The following SLC24A2 variants were observed in gnomAD, a reference collection of about 807,000 sequenced individuals.
SLC24A2 encodes the protein solute carrier family 24 member 2, also known as sodium/potassium/calcium exchanger 2.
A neutral mutation model predicts 62.0 loss-of-function variants in SLC24A2; 36 were observed. The ratio of observed to expected loss-of-function variants is 0.58; its 90% CI spans 0.44 to 0.77. SLC24A2 has a LOEUF of 0.77. Among genes scored for constraint, SLC24A2 ranks in the 30% least tolerant of loss-of-function variants. The pLI is 0.00. For synonymous variants in SLC24A2, 358 were observed against 294.0 expected (o/e 1.22, Z -2.23); for missense variants, 846 against 817.9 (o/e 1.03, Z -0.42).
the SLC24A2 span, among the ~76,000 whole-genome samples, chr9:20,114,541 A>G: frequency 1.3e-5 from 2 of 152,208 alleles, no homozygotes; most frequent in African/African-American, 4.8e-5. Flanking sequence ...GCAGTACACC[A>G]TCCCAAAAGT....
chr9:19,743,842 T>TA (rs1271311799), intron 2 of SLC24A2, among the ~76,000 whole-genome samples: 1 of 152,144 alleles, frequency 6.6e-6, no homozygotes, highest in East Asian at 1.9e-4. Flanking sequence ...GGATCAACAG[T>TA]ATAAATGGAC....
At chr9:19,746,039 T>TA (rs771930509) in intron 2 of SLC24A2, among the ~76,000 whole-genome samples, 20 of 151,722 alleles carry the variant, frequency 1.3e-4, no homozygotes, top group Non-Finnish European at 2.2e-4. Flanking sequence ...CAGAAGAAAG[T>TA]AAAAAATCAT....
chr9:19,964,404 A>T, the SLC24A2 span, among the ~76,000 whole-genome samples: 124,351 of 152,018 alleles, frequency 0.82, 51,292 homozygotes, highest in Non-Finnish European at 0.87. Flanking sequence ...AGTTGCAGTC[A>T]AGTGGTGGAT....
Position 19,767,363 on chromosome 9 carries a change from T to C in SLC24A2, c.930+18574A>G, listed in dbSNP as rs148110683. Among the ~76,000 whole-genome samples, 369 of 152,354 alleles carry C rather than the reference T, an allele frequency of 2.4e-3. 1 individual carries two copies. Among genetic ancestry groups the C allele is most frequent in the Middle Eastern group, 3.4e-3 (1 of 294 alleles). On this transcript the variant is annotated intron_variant, in intron 2 of 10. Coordinates refer to ENST00000341998, the MANE Select transcript of SLC24A2 (RefSeq NM_020344.4). ...TTAAAAACAAAAAACAAAAAACTTC[T>C]GCAGCTAGCTCAGTGTCTGCCCAAA...
chr9:20,183,971 G>A, the SLC24A2 span, among the ~76,000 whole-genome samples: 1 of 152,194 alleles, frequency 6.6e-6, no homozygotes, highest in African/African-American at 2.4e-5. Flanking sequence ...GAGTGATTGA[G>A]AGAAATACAA....
chr9:19,921,349 C>T, the SLC24A2 span, among the ~76,000 whole-genome samples: 1 of 151,552 alleles, frequency 6.6e-6, no homozygotes, highest in Non-Finnish European at 1.5e-5. Flanking sequence ...TGGTAAAACC[C>T]CGTCTCTACT....
chr9:19,660,760 T>C (rs1241917483), intron 2 of SLC24A2, among the ~76,000 whole-genome samples: 6 of 152,340 alleles, frequency 3.9e-5, no homozygotes, highest in Middle Eastern at 6.8e-3. Context: ...CTAGAACTTT[T>C]AGCACAACCA....
intron 8 of SLC24A2, among the ~76,000 whole-genome samples, chr9:19,546,001 G>A (rs4977552): frequency 0.76 from 115,017 of 152,176 alleles, 44,885 homozygotes; most frequent in East Asian, 1. Context: ...GTCCACTCCA[G>A]ACCCTGTTTG....
At chr9:19,568,996 T>C (rs1490435886) in intron 7 of SLC24A2, among the ~76,000 whole-genome samples, 1 of 152,224 alleles carries the variant, frequency 6.6e-6, no homozygotes, top group Non-Finnish European at 1.5e-5. Flanking sequence ...GGCATGTTGC[T>C]TTTTTCACTA....
chr9:19,792,401 G>T (rs1823328711), upstream of SLC24A2, among the ~76,000 whole-genome samples: 1 of 152,012 alleles, frequency 6.6e-6, no homozygotes, highest in Non-Finnish European at 1.5e-5. Context: ...GAAAGAGATG[G>T]TTGAGGGCCA....
chr9:20,295,593 G>T, the SLC24A2 span, among the ~76,000 whole-genome samples: 1 of 151,984 alleles, frequency 6.6e-6, no homozygotes, highest in African/African-American at 2.4e-5. Context: ...ATCAGCCAAA[G>T]GCCCTGAACA....
At chr9:19,975,192 C>T in the SLC24A2 span, among the ~76,000 whole-genome samples, 1 of 152,194 alleles carries the variant, frequency 6.6e-6, no homozygotes, top group East Asian at 1.9e-4. Flanking sequence ...GGCTCCAGGT[C>T]TAAGAGCCTA....
At chr9:19,926,769 T>A in the SLC24A2 span, 1 of 152,240 alleles carries the variant, frequency 6.6e-6, no homozygotes, top group Admixed American at 6.5e-5. Flanking sequence ...GGGAAAAAAA[T>A]TCAGAGGACC....
the SLC24A2 span, among the ~76,000 whole-genome samples, chr9:20,199,249 C>T: frequency 1.6e-3 from 243 of 152,156 alleles, no homozygotes; most frequent in Non-Finnish European, 2.4e-3. Flanking sequence ...GAAACTCAGG[C>T]GGGATAGAGT....
chr9:19,860,993 C>T, the SLC24A2 span, among the ~76,000 whole-genome samples: 1 of 152,164 alleles, frequency 6.6e-6, no homozygotes, highest in Non-Finnish European at 1.5e-5. Flanking sequence ...TGGACCCACC[C>T]AGGGCCTAGA....
the SLC24A2 span, among the ~76,000 whole-genome samples, chr9:20,074,555 CAGGAAGGAAGGAAGGA>C: frequency 0.01 from 900 of 87,344 alleles, 6 homozygotes; most frequent in Non-Finnish European, 0.014. Context: ...GAGAAGAAGG[CAGGAAGGAAGGAAGGA>C]AGGAAGGAAG....
intron 2 of SLC24A2, among the ~76,000 whole-genome samples, chr9:19,775,050 G>C (rs1269531361): frequency 6.6e-6 from 1 of 152,166 alleles, no homozygotes; most frequent in Admixed American, 6.5e-5. Flanking sequence ...CCAGTGTCTG[G>C]GATGAAAGGG....
intron 2 of SLC24A2, among the ~76,000 whole-genome samples, chr9:19,664,660 CTGGG>C (rs1819198172): frequency 6.6e-6 from 1 of 152,168 alleles, no homozygotes; most frequent in Non-Finnish European, 1.5e-5. Flanking sequence ...CATACTGGAT[CTGGG>C]TGGGCCTAAA....
chr9:19,983,605 C>G, the SLC24A2 span, among the ~76,000 whole-genome samples: 1 of 152,142 alleles, frequency 6.6e-6, no homozygotes, highest in Non-Finnish European at 1.5e-5. Context: ...GATCGCACCA[C>G]TGTACTCCAG....
Sources: allele counts gnomAD v4.1 joint callset (sites outside exome capture counted in the v4.1 genomes callset), GRCh38; gene constraint gnomAD v4.1.1; transcripts MANE v1.5; gene names NCBI Gene and HGNC (gene_info 2026-07-23, HGNC 2026-07-21).